SNTG1: variants seen among roughly 807,000 people sequenced by gnomAD.
The protein encoded by SNTG1 is gamma-1-syntrophin.
A neutral mutation model predicts 74.7 loss-of-function variants in SNTG1; 39 were observed. The observed-to-expected ratio is 0.52, with a 90% CI of 0.40 to 0.68. The LOEUF (loss-of-function observed/expected upper bound fraction) is 0.68, where lower values mean the gene tolerates loss of function less well. SNTG1 is among the 30% of genes least tolerant of loss of function. SNTG1 has a pLI of 0.00. For synonymous variants in SNTG1, 254 were observed against 217.1 expected (o/e 1.17, Z -1.49); for missense variants, 685 against 609.5 (o/e 1.12, Z -1.30).
chr8:50,550,172 A>G (rs751367627), intron 11 of SNTG1, among the ~76,000 whole-genome samples: 7 of 152,162 alleles, frequency 4.6e-5, no homozygotes. Flanking sequence ...CAAGCCACAC[A>G]AATCTAGCCA....
chr8:50,553,147 G>A lies in SNTG1; in HGVS notation c.778G>A (p.Ala260Thr), dbSNP rs1260248401. The change falls in exon 12 of 19, where the codon GCA becomes ACA. Residue 260 changes from alanine (A) to threonine (T), a missense_variant. Ala to Thr is a moderately conservative substitution (Grantham distance 58, BLOSUM62 0). Transcript: ENST00000642720. ...EDCVDWLQAI[A>T]TNISNLTKHN... is the part of the protein sequence containing the mutation. Reference sequence around the variant, plus strand: ...CTGCGTTGACTGGCTACAAGCAATAGCAACTAACATTTCAAATCTCACAAA... The same window carrying A: ...CTGCGTTGACTGGCTACAAGCAATAACAACTAACATTTCAAATCTCACAAA... 3.1e-6 allele frequency: 5 copies of A among 1,613,870 alleles called. No individual in the cohort carries two copies. The highest frequency in any genetic ancestry group is 3.3e-5 in the Admixed American group (2 of 59,968).
intron 18 of SNTG1, among the ~76,000 whole-genome samples, chr8:50,776,478 A>C (rs973941648): frequency 1.4e-5 from 2 of 147,366 alleles, no homozygotes; most frequent in Non-Finnish European, 3.0e-5. Flanking sequence ...TGTACTATAA[A>C]TATTGTTTAT....
intron 17 of SNTG1, among the ~76,000 whole-genome samples, chr8:50,734,828 TATATATATCTATATATATGGAC>T (rs530687539): frequency 0.11 from 11,938 of 109,584 alleles, 2,083 homozygotes; most frequent in South Asian, 0.16. Flanking sequence ...TATATGGACA[TATATATATCTATATATATGGAC>T]ATATATATAT....
intron 1 of SNTG1, among the ~76,000 whole-genome samples, chr8:49,933,119 A>G (rs1807746118): frequency 6.6e-6 from 1 of 152,034 alleles, no homozygotes; most frequent in Non-Finnish European, 1.5e-5. Context: ...TATGTTTTCA[A>G]TTTTTTTGGA....
intron 2 of SNTG1, among the ~76,000 whole-genome samples, chr8:50,204,744 G>A (rs897772883): frequency 4.0e-5 from 6 of 151,624 alleles, no homozygotes; most frequent in Admixed American, 1.3e-4. Flanking sequence ...GACAGGCCCC[G>A]GTGTGTGATG....
chr8:50,379,865 C>G (rs983001533), intron 2 of SNTG1, among the ~76,000 whole-genome samples: 1 of 152,176 alleles, frequency 6.6e-6, no homozygotes, highest in African/African-American at 2.4e-5. Flanking sequence ...TTTCCCAGTC[C>G]CAGCATGGCT....
chr8:50,518,764 G>A (rs775656144), intron 9 of SNTG1, among the ~76,000 whole-genome samples: 55 of 152,104 alleles, frequency 3.6e-4, no homozygotes, highest in African/African-American at 8.2e-4. Flanking sequence ...GGAGGATGTC[G>A]AATCCTTGAA....
intron 8 of SNTG1, among the ~76,000 whole-genome samples, chr8:50,476,724 T>C (rs1587749501): frequency 1.3e-5 from 2 of 152,240 alleles, no homozygotes; most frequent in East Asian, 3.9e-4. Context: ...GCTTAGAAGG[T>C]ACTGTCACTT....
In SNTG1 at chr8:50,792,743, T is replaced by C. The variant is rs2131876554; in HGVS notation, c.1468T>C (p.Leu490=). 6.2e-7 allele frequency: 1 copy of C among 1,612,658 alleles called. No individual in the cohort carries two copies. Residue 490 remains leucine (L), a synonymous_variant, in exon 19 of 19, where the codon TTG becomes CTG. Coordinates refer to ENST00000642720, the MANE Select transcript of SNTG1 (RefSeq NM_018967.5). ...CTTCTTTGCTGCCAAGGTAGCTTGT[T>C]TGGACCCTCTATTTTTAGGCAATCA... ...HSFFAAKVAC[L]DPLFLGNQAT...
chr8:50,436,891 T>C (rs2093309419), intron 4 of SNTG1, among the ~76,000 whole-genome samples: 1 of 152,108 alleles, frequency 6.6e-6, no homozygotes, highest in South Asian at 2.1e-4. Context: ...TATGTGTAGG[T>C]TTTGCGATAT....
intron 1 of SNTG1, among the ~76,000 whole-genome samples, chr8:50,138,628 CAATAATAAT>C (rs34280300): frequency 0.027 from 3,793 of 140,824 alleles, 78 homozygotes; most frequent in African/African-American, 0.05. Flanking sequence ...TCTGTCTCAA[CAATAATAAT>C]AATAATAATA....
intron 17 of SNTG1, among the ~76,000 whole-genome samples, chr8:50,739,604 G>A (rs558955141): frequency 2.2e-4 from 33 of 151,674 alleles, no homozygotes; most frequent in Non-Finnish European, 4.4e-4. Flanking sequence ...AGCATTACGA[G>A]AAAACAACAT....
At chr8:50,256,896 T>C (rs569324454) in intron 2 of SNTG1, among the ~76,000 whole-genome samples, 2 of 152,246 alleles carry the variant, frequency 1.3e-5, no homozygotes, top group African/African-American at 2.4e-5. Flanking sequence ...TTAATCAGAA[T>C]AACAATAATC....
intron 1 of SNTG1, among the ~76,000 whole-genome samples, chr8:50,086,248 G>A (rs203616): frequency 0.62 from 94,424 of 151,998 alleles, 29,677 homozygotes; most frequent in East Asian, 0.84. Context: ...TGACTGTTAG[G>A]CATCATCACA....
At chr8:50,503,752 A>C (rs565545371) in intron 9 of SNTG1, among the ~76,000 whole-genome samples, 1 of 152,290 alleles carries the variant, frequency 6.6e-6, no homozygotes, top group Non-Finnish European at 1.5e-5. Context: ...CCATTGTATG[A>C]ATGTACTACA....
chr8:50,419,157 A>G lies in SNTG1; in HGVS notation c.162+16813A>G, dbSNP rs188110239. 3.4e-3 allele frequency among the ~76,000 whole-genome samples: 513 copies of G among 152,258 alleles called. 2 individuals carry two copies. Among genetic ancestry groups the G allele is most frequent in the African/African-American group, 0.012 (481 of 41,576 alleles). The stretch of plus-strand genomic sequence containing the variant: ...CAGATTGGTTACAGGAGAAGCCAGT[A>G]ACCTGGAAATGACAATAAGCCCAAC... On this transcript the variant is annotated intron_variant, in intron 4 of 18. Coordinates refer to ENST00000642720, the MANE Select transcript of SNTG1 (RefSeq NM_018967.5).
At chr8:50,038,304 C>T (rs538473079) in intron 1 of SNTG1, among the ~76,000 whole-genome samples, 2 of 152,234 alleles carry the variant, frequency 1.3e-5, no homozygotes, top group East Asian at 3.9e-4. Flanking sequence ...AGAATGGGCT[C>T]CTCCAAGTTT....
intron 2 of SNTG1, among the ~76,000 whole-genome samples, chr8:50,383,272 C>T (rs1222466061): frequency 1.3e-5 from 2 of 152,144 alleles, no homozygotes; most frequent in Non-Finnish European, 2.9e-5. Flanking sequence ...ATCAAAAACA[C>T]ACTAATTATT....
At chr8:49,938,603 TTTTCTTTCTTTC>T (rs138959195) in intron 1 of SNTG1, among the ~76,000 whole-genome samples, 16 of 74,752 alleles carry the variant, frequency 2.1e-4, no homozygotes, top group African/African-American at 6.8e-4. Flanking sequence ...TTTTCTTTTC[TTTTCTTTCTTTC>T]TTTCTTTCTT....
Sources: allele counts gnomAD v4.1 joint callset (sites outside exome capture counted in the v4.1 genomes callset), GRCh38; gene constraint gnomAD v4.1.1; transcripts MANE v1.5; gene names NCBI Gene and HGNC (gene_info 2026-07-23, HGNC 2026-07-21).